The following NLGN2 variants were observed in gnomAD, a reference collection of about 807,000 sequenced individuals.
NLGN2 encodes the protein neuroligin-2.
In NLGN2, 11 loss-of-function variants were observed where a neutral mutation model predicts 48.6. The ratio of observed to expected loss-of-function variants is 0.23; its 90% confidence interval spans 0.14 to 0.37. The LOEUF is 0.37. NLGN2 is among the 10% of genes least tolerant of loss of function. The probability of loss-of-function intolerance (pLI) is 1.00; values close to 1 mark genes in which losing one functional copy is unlikely to be tolerated. For synonymous variants in NLGN2, 548 were observed against 550.0 expected (o/e 1.00, Z 0.05); for missense variants, 801 against 1,225.2 (o/e 0.65, Z 5.17).
At chr17:7,410,659 C>G (rs1424031781) in intron 1 of NLGN2, among the ~76,000 whole-genome samples, 2 of 152,312 alleles carry the variant, frequency 1.3e-5, no homozygotes, top group Non-Finnish European at 2.9e-5. Flanking sequence ...ACCCCAACAC[C>G]TCCACACAGT....
intron 2 of NLGN2, 69 bp downstream of exon 2, chr17:7,412,276 T>G: frequency 8.4e-7 from 1 of 1,197,414 alleles, no homozygotes; most frequent in South Asian, 1.2e-5. Context: ...TGCCCCTCAC[T>G]AAATGTCCCC....
chr17:7,412,190 T>C lies in NLGN2; in HGVS notation c.491T>C (p.Leu164Pro). Residue 164 changes from leucine to proline, a missense_variant, in exon 2 of 7, where the codon CTC (leucine) becomes CCC (proline). Physicochemically the swap from Leu to Pro is moderately conservative, Grantham distance 98. Around this residue, in one of 5 missense-constraint regions of NLGN2, gnomAD observed 56 missense variants for 100.0 expected, o/e 0.56. Coordinates refer to ENST00000302926, the MANE Select transcript of NLGN2 (RefSeq NM_020795.4). ...PLTKKRDEAT[L>P]NPPDTDIRDP... Reference sequence around the variant, plus strand: ...ACAAAAAAACGTGACGAGGCGACGCTCAATCCGCCAGACACAGGTAGATTT... The same window carrying C: ...ACAAAAAAACGTGACGAGGCGACGCCCAATCCGCCAGACACAGGTAGATTT... The C allele has an allele frequency of 6.2e-7, 1 of 1,611,204 alleles. No individual in the cohort carries two copies. Among genetic ancestry groups the C allele is most frequent in the Non-Finnish European group, 8.5e-7 (1 of 1,178,890 alleles).
Position 7,408,342 on chromosome 17 carries a change from C to CTG in NLGN2, c.87_88insTG (p.Gly30TrpfsTer16), listed in dbSNP as rs1227638087. The CTG allele has an allele frequency of 2.0e-5, 29 of 1,465,548 alleles. No homozygotes were observed. Among genetic ancestry groups the CTG allele is most frequent in the Non-Finnish European group, 2.5e-5 (28 of 1,112,128 alleles). The allele number at this position is 1,465,548 out of a possible 1,614,324, so 90.8% of individuals were successfully genotyped here. On this transcript the variant is annotated frameshift_variant, in exon 1 of 7. Coordinates refer to ENST00000302926, the MANE Select transcript of NLGN2 (RefSeq NM_020795.4). LOFTEE classifies it high-confidence loss of function. This position sits in a 1 kb window ranked among gnomAD's most constrained non-coding sequence, Gnocchi z 7.5. The stretch of plus-strand genomic sequence containing the variant: ...CCGGCGGCGGCGCCCCGGGCGGCCC[C>CTG]GGCCTGGGCCTCGGCAGCCTCGGCG...
At chr17:7,407,658 C>A (rs531902445), upstream of NLGN2, among the ~76,000 whole-genome samples, 4 of 152,254 alleles carry the variant, frequency 2.6e-5, no homozygotes, top group East Asian at 7.7e-4. Context: ...GAGAACCTGC[C>A]TGGGAGGGAT....
At position 7,419,443 on chromosome 17, in the gene NLGN2, A is replaced by C. The variant is rs1460567385; in HGVS notation, c.*1644A>C. On this transcript the variant is annotated 3_prime_UTR_variant, in exon 7 of 7. Transcript: ENST00000302926. ...TGGCATTTTGTGGGGTGTTAGTGCC[A>C]AACTTGAATAGGGGCTGGGGTGCTG... is the stretch of plus-strand genomic sequence containing the variant. The C allele has an allele frequency of 6.5e-6, 1 of 152,696 alleles. No homozygotes were observed. Among genetic ancestry groups the C allele is most frequent in the Admixed American group, 6.5e-5 (1 of 15,286 alleles). 9.5% of individuals were successfully genotyped at this position (152,696 alleles called of 1,614,324 possible).
chr17:7,409,280 C>G (rs576543747), intron 1 of NLGN2, among the ~76,000 whole-genome samples: 1 of 152,204 alleles, frequency 6.6e-6, no homozygotes, highest in South Asian at 2.1e-4. Flanking sequence ...ATGTCCTTCT[C>G]TTCTCCCTTG....
intron 6 of NLGN2, 103 bp from the exon 7 acceptor site, chr17:7,416,818 TGTCCC>T: frequency 7.4e-7 from 1 of 1,345,798 alleles, no homozygotes; most frequent in East Asian, 2.5e-5. Flanking sequence ...GCTTTCTTGC[TGTCCC>T]CCTGTCTCTC....
At position 7,412,159 on chromosome 17, in the gene NLGN2, C is replaced by G. The variant is rs567948674; in HGVS notation, c.460C>G (p.Pro154Ala). 1 of 1,537,358 alleles carries G rather than the reference C, an allele frequency of 6.5e-7. No individual in the cohort carries two copies. The highest frequency in any genetic ancestry group is 1.1e-5 in the South Asian group (1 of 89,946). Reference protein sequence around the residue: ...LNLYVPTEDGPLTKKRDEATL... With the variant: ...LNLYVPTEDGALTKKRDEATL... ...CTGTTTTGTGTTCCCGGTCTTAGGT[C>G]CGCTCACAAAAAAACGTGACGAGGC... The change falls in exon 2 of 7, where the codon CCG (proline) becomes GCG (alanine). Residue 154 changes from proline (P) to alanine (A), a missense_variant and splice_region_variant. By Grantham distance (27) the Pro-to-Ala change is conservative. Transcript: ENST00000302926.
At position 7,416,499 on chromosome 17, in the gene NLGN2, C is replaced by T. The variant is rs548522620; in HGVS notation, c.1634+392C>T. On this transcript the variant is annotated intron_variant, in intron 6 of 6. Coordinates refer to ENST00000302926, the MANE Select transcript of NLGN2 (RefSeq NM_020795.4). ...CTGAAAATCCACTGACAGCTCTCCA[C>T]CTCCCTCTGCTGCTCTCTTTTGTCT... Among the ~76,000 whole-genome samples the T allele has an allele frequency of 1.3e-4, 20 of 152,166 alleles. No homozygotes were observed. In the East Asian group the frequency reaches 1.4e-3, roughly 10 times the overall value.
chr17:7,406,653 C>CGGGGG (rs71157283), upstream of NLGN2, among the ~76,000 whole-genome samples: 7 of 90,164 alleles, frequency 7.8e-5, no homozygotes, highest in Admixed American at 1.2e-4. Context: ...GGTGGGGGGG[C>CGGGGG]GGGGGGGGGG....
rs1906748002 is a variant in NLGN2 at position 7,408,462 on chromosome 17, C to T, written c.207C>T (p.Phe69=). ...AGATCCTGGGCCCCGTCGTGCAGTT[C>T]TTGGGCGTGCCCTACGCCACGCCGC... ...NNEILGPVVQ[F]LGVPYATPPL... is the part of the protein sequence containing the mutation. Residue 69 remains phenylalanine (F), a synonymous_variant, in exon 1 of 7, where the codon TTC becomes TTT. Coordinates refer to ENST00000302926, the MANE Select transcript of NLGN2 (RefSeq NM_020795.4). The surrounding 1 kb of genome is among the most constrained non-coding windows in gnomAD (Gnocchi z 7.5). 6.4e-7 allele frequency: 1 copy of T among 1,556,716 alleles called. No homozygotes were observed. The highest frequency in any genetic ancestry group is 1.4e-5 in the African/African-American group (1 of 70,168).
rs1395889851 is a variant in NLGN2, at chr17:7,408,453, C to A, written c.198C>A (p.Val66=). 3 of 1,564,664 alleles carry A rather than the reference C, an allele frequency of 1.9e-6. No individual in the cohort carries two copies. Among genetic ancestry groups the A allele is most frequent in the East Asian group, 5.0e-5 (2 of 40,204 alleles). Reference sequence around the variant, plus strand: ...TCAACAACGAGATCCTGGGCCCCGTCGTGCAGTTCTTGGGCGTGCCCTACG... The same window carrying A: ...TCAACAACGAGATCCTGGGCCCCGTAGTGCAGTTCTTGGGCGTGCCCTACG... ...RELNNEILGP[V]VQFLGVPYAT... is the part of the protein sequence containing the mutation. The change falls in exon 1 of 7, where the codon GTC becomes GTA. Residue 66 remains valine (V), a synonymous_variant. Coordinates refer to ENST00000302926, the MANE Select transcript of NLGN2 (RefSeq NM_020795.4). This position sits in a 1 kb window ranked among gnomAD's most constrained non-coding sequence, Gnocchi z 7.5.
At position 7,411,853 on chromosome 17, in the gene NLGN2, C is replaced by T. The variant is rs951825403; in HGVS notation, c.458-304C>T. Among the ~76,000 whole-genome samples, 1 of 151,210 alleles carries T rather than the reference C, an allele frequency of 6.6e-6. No individual in the cohort carries two copies. Among genetic ancestry groups the T allele is most frequent in the Non-Finnish European group, 1.5e-5 (1 of 67,788 alleles). On this transcript the variant is annotated intron_variant, in intron 1 of 6. Coordinates refer to ENST00000302926, the MANE Select transcript of NLGN2 (RefSeq NM_020795.4). This position sits in a 1 kb window ranked among gnomAD's most constrained non-coding sequence, Gnocchi z 4.5. ...CAAGCCAAAACCTTTCCAGCCAAGT[C>T]GATATGTCTTAAGACAGGCCTCAGC...
chr17:7,416,149 C>T (rs750186391), intron 6 of NLGN2, 42 bp downstream of exon 6: 1 of 1,453,960 alleles, frequency 6.9e-7, no homozygotes, highest in East Asian at 2.3e-5. Flanking sequence ...CGGGGCCCTC[C>T]CTCCTTCACA....
intron 1 of NLGN2, among the ~76,000 whole-genome samples, chr17:7,410,037 C>T (rs1037854674): frequency 1.1e-4 from 17 of 151,980 alleles, no homozygotes; most frequent in Non-Finnish European, 1.9e-4. Context: ...CCCCAACATC[C>T]CCAACACTCC....
chr17:7,417,963 A>C lies in NLGN2; in HGVS notation c.*164A>C. 20 of 521,146 alleles carry C rather than the reference A, an allele frequency of 3.8e-5. No individual in the cohort carries two copies. The highest frequency in any genetic ancestry group is 9.1e-5 in the South Asian group (1 of 10,936). 32.3% of individuals were successfully genotyped at this position (521,146 alleles called of 1,614,324 possible). A position where few individuals can be genotyped will look rare whatever the true frequency, so the allele number is the denominator to read the frequency against. ...CCTCCCTGCGATGCGTGTCTTTCCC[A>C]CGCAGAGAAGCCCAGTCTCTTCTCT... is the stretch of plus-strand genomic sequence containing the variant. On this transcript the variant is annotated 3_prime_UTR_variant, in exon 7 of 7. Coordinates refer to ENST00000302926, the MANE Select transcript of NLGN2 (RefSeq NM_020795.4).
Position 7,414,324 on chromosome 17 carries a change from G to GGCC in NLGN2, c.509-20_509-19insGCC. 6.3e-6 allele frequency: 9 copies of GGCC among 1,434,756 alleles called. No individual in the cohort carries two copies. The highest frequency in any genetic ancestry group is 1.8e-4 in the Middle Eastern group (1 of 5,652). The allele number at this position is 1,434,756 out of a possible 1,614,324, so 88.9% of individuals were successfully genotyped here. ...TTGTCCCTGACCCCCTGGCCCACCTGCCCACCCCTCCCCACACAGATATCC... is the reference window on the plus strand; with the variant it reads ...TTGTCCCTGACCCCCTGGCCCACCTGGCCCCCACCCCTCCCCACACAGATATCC... On this transcript the variant is annotated intron_variant, in intron 2 of 6. Coordinates refer to ENST00000302926, the MANE Select transcript of NLGN2 (RefSeq NM_020795.4).
intron 2 of NLGN2, 68 bp downstream of exon 2, chr17:7,412,275 C>T: frequency 8.4e-7 from 1 of 1,196,500 alleles, no homozygotes; most frequent in Non-Finnish European, 1.3e-6. Context: ...CTGCCCCTCA[C>T]TAAATGTCCC....
chr17:7,407,719 C>G (rs547810821), upstream of NLGN2, among the ~76,000 whole-genome samples: 1 of 152,224 alleles, frequency 6.6e-6, no homozygotes, highest in African/African-American at 2.4e-5. Context: ...CCCGCCTCTC[C>G]TCTGGCTGGG....
Sources: allele counts gnomAD v4.1 joint callset (sites outside exome capture counted in the v4.1 genomes callset), GRCh38; gene constraint gnomAD v4.1.1; regional missense constraint gnomAD v4.1.1; non-coding constraint Gnocchi (gnomAD v3.1); transcripts MANE v1.5; gene names NCBI Gene and HGNC (gene_info 2026-07-23, HGNC 2026-07-21).